DNAJC15: variants seen among roughly 807,000 people sequenced by gnomAD.
DNAJC15 encodes DnaJ heat shock protein family (Hsp40) member C15, also known as dnaJ homolog subfamily C member 15.
In DNAJC15, 27 loss-of-function variants were observed where a neutral mutation model predicts 22.4. The ratio of observed to expected loss-of-function variants is 1.20; its 90% CI spans 0.89 to 1.66. The LOEUF is 1.66. Among genes scored for constraint, DNAJC15 ranks in the 40% most tolerant of loss-of-function variants. The pLI is 0.00. For missense variants in DNAJC15, 208 were observed against 187.1 expected (o/e 1.11, Z -0.65); for synonymous variants, 79 against 63.2 (o/e 1.25, Z -1.19).
intron 1 of DNAJC15, among the ~76,000 whole-genome samples, chr13:43,046,909 G>A (rs145318332): frequency 1.3e-5 from 2 of 152,292 alleles, no homozygotes; most frequent in South Asian, 2.1e-4. Context: ...CTAAAGGCTC[G>A]CCTTTGTTAC....
At chr13:43,024,209 A>C (rs1160687717) in intron 1 of DNAJC15, among the ~76,000 whole-genome samples, 2 of 152,126 alleles carry the variant, frequency 1.3e-5, no homozygotes, top group African/African-American at 4.8e-5. Flanking sequence ...AGTCTCCGGC[A>C]CAGAAACAGG....
chr13:43,069,113 G>A (rs2040596967), intron 3 of DNAJC15, 110 bp downstream of exon 3: 2 of 1,083,458 alleles, frequency 1.8e-6, no homozygotes, highest in Non-Finnish European at 2.6e-6. Context: ...GTAGAAGTTT[G>A]TTTCCTTCAC....
intron 1 of DNAJC15, among the ~76,000 whole-genome samples, chr13:43,054,504 CAA>C (rs1466401375): frequency 6.6e-5 from 10 of 152,114 alleles, no homozygotes; most frequent in African/African-American, 1.9e-4. Flanking sequence ...GAATGTCTGA[CAA>C]AATTCAGCTG....
chr13:43,111,179 A>G lies in DNAJC15; in HGVS notation c.*3931A>G, dbSNP rs2040823057. 1 of 152,222 alleles carries G rather than the reference A, an allele frequency of 6.6e-6. No individual in the cohort carries two copies. The highest frequency in any genetic ancestry group is 6.5e-5 in the Admixed American group (1 of 15,288). The allele number at this position is 152,222 out of a possible 1,614,324, so 9.4% of individuals were successfully genotyped here. A position where few individuals can be genotyped will look rare whatever the true frequency, so the allele number is the denominator to read the frequency against. On this transcript the variant is annotated 3_prime_UTR_variant, in exon 6 of 6. Coordinates refer to ENST00000379221, the MANE Select transcript of DNAJC15 (RefSeq NM_013238.3). ...AGTAAGGAAAAAATGTTGGGCTTGG[A>G]ATACATTGTTTAGTCTTCAAAGCAC...
chr13:43,091,798 T>C (rs1472003369), intron 5 of DNAJC15, among the ~76,000 whole-genome samples: 1 of 152,212 alleles, frequency 6.6e-6, no homozygotes, highest in Non-Finnish European at 1.5e-5. Flanking sequence ...GACCTGTGTG[T>C]TATTTGACAT....
rs528208554 is a variant in DNAJC15, at chr13:43,050,506, G to A, written c.109-15180G>A. ...AGGGTCTTCTTGTGTTGCCGAGGCT[G>A]GTCTCACTCCTGGGCTAAATCAGTT... On this transcript the variant is annotated intron_variant, in intron 1 of 5. Coordinates refer to ENST00000379221, the MANE Select transcript of DNAJC15 (RefSeq NM_013238.3). Among the ~76,000 whole-genome samples the A allele has an allele frequency of 6.6e-5, 10 of 151,790 alleles. No individual in the cohort carries two copies. In the South Asian group the frequency reaches 2.1e-3, roughly 32 times the overall value.
chr13:43,024,337 G>GTTTTTTTTTTT (rs376910976), intron 1 of DNAJC15, among the ~76,000 whole-genome samples: 9 of 93,402 alleles, frequency 9.6e-5, no homozygotes, highest in Admixed American at 3.1e-4. Flanking sequence ...GTATTTTTAC[G>GTTTTTTTTTTT]TTTTTTTTTT....
chr13:43,053,066 CTT>C (rs1321466699), intron 1 of DNAJC15, among the ~76,000 whole-genome samples: 2 of 152,078 alleles, frequency 1.3e-5, no homozygotes, highest in Non-Finnish European at 2.9e-5. Flanking sequence ...TCCATCTTGA[CTT>C]GATTTTTGTA....
chr13:43,095,602 G>A (rs560682608), intron 5 of DNAJC15, among the ~76,000 whole-genome samples: 6 of 152,172 alleles, frequency 3.9e-5, no homozygotes, highest in Non-Finnish European at 7.4e-5. Flanking sequence ...AAAAAACCCC[G>A]AGGATCCAGG....
At position 43,042,901 on chromosome 13, in the gene DNAJC15, G is replaced by A. The variant is rs145692366; in HGVS notation, c.108+19167G>A. ...TGACTAACTGGGTAAGCATAGTGTA[G>A]CCAGGTTGACACATAAAATTAACTG... On this transcript the variant is annotated intron_variant, in intron 1 of 5. Transcript: ENST00000379221. Among the ~76,000 whole-genome samples, 310 of 152,226 alleles carry A rather than the reference G, an allele frequency of 2.0e-3. 1 individual carries two copies. The highest frequency in any genetic ancestry group is 7.1e-3 in the African/African-American group (294 of 41,522).
intron 1 of DNAJC15, among the ~76,000 whole-genome samples, chr13:43,063,045 TGTC>T (rs1272210635): frequency 3.9e-5 from 6 of 152,076 alleles, no homozygotes; most frequent in Non-Finnish European, 7.4e-5. Flanking sequence ...GTCTCTCATC[TGTC>T]GCCCAGGCTG....
chr13:43,068,326 G>A (rs2040592881), intron 2 of DNAJC15, among the ~76,000 whole-genome samples: 1 of 152,046 alleles, frequency 6.6e-6, no homozygotes, highest in African/African-American at 2.4e-5. Context: ...TGATTATTGG[G>A]ATTCCCAACT....
At chr13:43,099,585 TTTCCTGAAAGTGTGTTGAATC>T (rs2040757233) in intron 5 of DNAJC15, among the ~76,000 whole-genome samples, 1 of 152,216 alleles carries the variant, frequency 6.6e-6, no homozygotes, top group African/African-American at 2.4e-5. Context: ...TAGGTGCTTT[TTTCCTGAAAGTGTGTTGAATC>T]TTGTCAAATG....
intron 4 of DNAJC15, chr13:43,079,013 G>C (rs1366613991): frequency 5.9e-6 from 1 of 170,906 alleles, no homozygotes; most frequent in Non-Finnish European, 1.3e-5. Flanking sequence ...TTTATAATTT[G>C]ATATCATATT....
At chr13:43,098,189 A>G (rs2040750531) in intron 5 of DNAJC15, among the ~76,000 whole-genome samples, 1 of 152,174 alleles carries the variant, frequency 6.6e-6, no homozygotes. Context: ...TTCACTGAGA[A>G]GAAACTCTAA....
intron 1 of DNAJC15, among the ~76,000 whole-genome samples, chr13:43,024,232 A>G (rs1157503533): frequency 3.3e-5 from 5 of 151,826 alleles, no homozygotes; most frequent in South Asian, 2.1e-4. Flanking sequence ...CCAGTTGGAA[A>G]CTCCAAGTGG....
intron 1 of DNAJC15, among the ~76,000 whole-genome samples, chr13:43,050,094 A>AT (rs1432296172): frequency 6.6e-6 from 1 of 151,762 alleles, no homozygotes; most frequent in Non-Finnish European, 1.5e-5. Flanking sequence ...AATTTTTTGT[A>AT]TTTTTAGTAG....
At chr13:43,074,652 A>G (rs1015533668) in intron 3 of DNAJC15, among the ~76,000 whole-genome samples, 1 of 152,190 alleles carries the variant, frequency 6.6e-6, no homozygotes, top group Non-Finnish European at 1.5e-5. Context: ...CAGAGTTACA[A>G]TTTTGTGCTT....
In DNAJC15 at chr13:43,111,023, AAAT is replaced by A. The variant is rs1326046472; in HGVS notation, c.*3778_*3780del. The A allele has an allele frequency of 6.6e-6, 1 of 152,234 alleles. No homozygotes were observed. The highest frequency in any genetic ancestry group is 2.4e-5 in the African/African-American group (1 of 41,454). 9.4% of individuals were successfully genotyped at this position (152,234 alleles called of 1,614,324 possible). On this transcript the variant is annotated 3_prime_UTR_variant, in exon 6 of 6. Transcript: ENST00000379221. The stretch of plus-strand genomic sequence containing the variant: ...CTGAGGGCCTAGGAAGGCCTTTTAA[AAAT>A]AAAACAATTCCGATTGCAGAGAAAG...
Sources: gnomAD v4.1 joint callset for allele counts (sites outside exome capture counted in the v4.1 genomes callset) on GRCh38, gnomAD v4.1.1 for gene constraint, MANE v1.5 for transcripts, NCBI Gene and HGNC (gene_info 2026-07-23, HGNC 2026-07-21) for gene names.